Variants in DLG2 observed in about 807,000 individuals in gnomAD.
The protein encoded by DLG2 is discs large MAGUK scaffold protein 2.
A neutral mutation model predicts 132.5 loss-of-function variants in DLG2; 45 were observed. The ratio of observed to expected loss-of-function variants is 0.34; its 90% CI spans 0.27 to 0.44. The LOEUF (loss-of-function observed/expected upper bound fraction) is 0.44. Ranked by LOEUF, DLG2 falls within the 20% of genes least tolerant of loss-of-function variation. DLG2 has a pLI of 1.00. For synonymous variants in DLG2, 424 were observed against 419.6 expected (o/e 1.01, Z -0.13); for missense variants, 1,045 against 1,196.9 (o/e 0.87, Z 1.87).
At chr11:85,504,433 C>T (rs1169359646) in intron 3 of DLG2, among the ~76,000 whole-genome samples, 1 of 152,186 alleles carries the variant, frequency 6.6e-6, no homozygotes, top group African/African-American at 2.4e-5. Context: ...CTACATATGG[C>T]TAGCCAGTTT....
intron 15 of DLG2, among the ~76,000 whole-genome samples, chr11:83,892,834 G>A (rs900372179): frequency 2.0e-5 from 3 of 151,962 alleles, no homozygotes; most frequent in Non-Finnish European, 4.4e-5. Flanking sequence ...GTTACCACCT[G>A]GTATATGCAA....
chr11:84,899,665 C>G (rs1345598804), intron 6 of DLG2, among the ~76,000 whole-genome samples: 1 of 152,004 alleles, frequency 6.6e-6, no homozygotes, highest in Non-Finnish European at 1.5e-5. Flanking sequence ...ATAATCTATT[C>G]CAATTCCCCT....
At chr11:85,609,838 G>C (rs552692504) in intron 2 of DLG2, among the ~76,000 whole-genome samples, 25 of 152,256 alleles carry the variant, frequency 1.6e-4, no homozygotes, top group African/African-American at 4.6e-4. Flanking sequence ...CTCAAGGTCC[G>C]TTACCATCCG....
At chr11:84,469,456 GC>G (rs1288928049) in intron 7 of DLG2, among the ~76,000 whole-genome samples, 8 of 151,572 alleles carry the variant, frequency 5.3e-5, no homozygotes, top group Non-Finnish European at 1.2e-4. Flanking sequence ...AACCTTTAAA[GC>G]CTCAGCAAAA....
At chr11:84,761,839 A>G (rs1463962563) in intron 6 of DLG2, among the ~76,000 whole-genome samples, 2 of 152,142 alleles carry the variant, frequency 1.3e-5, no homozygotes, top group Admixed American at 6.5e-5. Flanking sequence ...AGTCAATTAT[A>G]ATAAACTCCT....
chr11:84,409,925 G>A (rs2098889992), intron 7 of DLG2, among the ~76,000 whole-genome samples: 1 of 152,134 alleles, frequency 6.6e-6, no homozygotes, highest in African/African-American at 2.4e-5. Flanking sequence ...CTCCCTTCTT[G>A]ATATGGAGAT....
intron 3 of DLG2, among the ~76,000 whole-genome samples, chr11:85,351,660 A>T (rs1455937404): frequency 6.6e-6 from 1 of 152,140 alleles, no homozygotes; most frequent in Non-Finnish European, 1.5e-5. Context: ...GCATCTATTG[A>T]GATAATTATG....
At chr11:84,303,973 C>T (rs2098186699) in intron 7 of DLG2, among the ~76,000 whole-genome samples, 1 of 152,096 alleles carries the variant, frequency 6.6e-6, no homozygotes, top group African/African-American at 2.4e-5. Context: ...CTGTTACGTG[C>T]TAAGCACTAG....
chr11:85,204,694 T>G lies in DLG2; in HGVS notation c.187-50043A>C, dbSNP rs535418393. Among the ~76,000 whole-genome samples the G allele has an allele frequency of 1.6e-4, 24 of 151,976 alleles. No individual in the cohort carries two copies. The South Asian group carries it at 5.0e-3, about 32-fold the overall frequency. On this transcript the variant is annotated intron_variant, in intron 4 of 27. Coordinates refer to ENST00000376104, the MANE Select transcript of DLG2 (RefSeq NM_001142699.3). ...AAACAGAAAAAAAAAACTCCTAAAA[T>G]TTGTATGGACACAAAGATCTTGAAA...
chr11:84,723,152 C>T (rs2062028600), intron 6 of DLG2, among the ~76,000 whole-genome samples: 1 of 152,066 alleles, frequency 6.6e-6, no homozygotes, highest in African/African-American at 2.4e-5. Flanking sequence ...TATTCATTAG[C>T]CTATAATTTG....
chr11:84,726,630 G>A (rs2062497518), intron 6 of DLG2, among the ~76,000 whole-genome samples: 1 of 152,126 alleles, frequency 6.6e-6, no homozygotes. Flanking sequence ...TATACACCCA[G>A]TAATGAGATT....
chr11:85,211,982 G>T lies in DLG2; in HGVS notation c.187-57331C>A, dbSNP rs148595994. Among the ~76,000 whole-genome samples, 24 of 152,064 alleles carry T rather than the reference G, an allele frequency of 1.6e-4. No homozygotes were observed. In the East Asian group the frequency reaches 3.9e-3, roughly 24 times the overall value. ...TAATGACTGATTAATTAAATGAAAAGTTTCTGCTTATCTACCTAATTGTAA... is the reference window on the plus strand; with the variant it reads ...TAATGACTGATTAATTAAATGAAAATTTTCTGCTTATCTACCTAATTGTAA... On this transcript the variant is annotated intron_variant, in intron 4 of 27. Coordinates refer to ENST00000376104, the MANE Select transcript of DLG2 (RefSeq NM_001142699.3).
At chr11:84,480,440 C>T (rs111992027) in intron 7 of DLG2, among the ~76,000 whole-genome samples, 73 of 152,174 alleles carry the variant, frequency 4.8e-4, no homozygotes, top group African/African-American at 1.7e-3. Context: ...AGAAAATATA[C>T]TTCCCAAATC....
chr11:83,673,111 A>T (rs2077109387), intron 18 of DLG2, among the ~76,000 whole-genome samples: 2 of 152,198 alleles, frequency 1.3e-5, no homozygotes, highest in African/African-American at 2.4e-5. Flanking sequence ...ACTCTCTGTG[A>T]GGTATTTTAG....
chr11:84,208,580 G>A (rs2096708732), intron 8 of DLG2, among the ~76,000 whole-genome samples: 1 of 152,034 alleles, frequency 6.6e-6, no homozygotes, highest in East Asian at 1.9e-4. Context: ...CTGAACTCAG[G>A]CAATCTGCCC....
chr11:84,852,827 C>A (rs1194020828), intron 6 of DLG2, among the ~76,000 whole-genome samples: 1 of 151,182 alleles, frequency 6.6e-6, no homozygotes, highest in Non-Finnish European at 1.5e-5. Context: ...ACAGTTTAAT[C>A]TTCAAAATTA....
chr11:85,324,827 A>G (rs1348476917), intron 3 of DLG2, among the ~76,000 whole-genome samples: 1 of 151,856 alleles, frequency 6.6e-6, no homozygotes, highest in Non-Finnish European at 1.5e-5. Flanking sequence ...GCGACGCAGA[A>G]GACGGGTGAT....
intron 11 of DLG2, among the ~76,000 whole-genome samples, chr11:84,008,617 G>T (rs1026523054): frequency 3.3e-5 from 5 of 151,778 alleles, no homozygotes; most frequent in African/African-American, 7.2e-5. Context: ...TCCACAACAG[G>T]TATTTTGATA....
chr11:84,200,915 C>T (rs996811077), intron 8 of DLG2, among the ~76,000 whole-genome samples: 35 of 152,164 alleles, frequency 2.3e-4, no homozygotes. Context: ...GACTTCCTCT[C>T]TTTCTACTTG....
Sources: gnomAD v4.1 joint callset for allele counts (sites outside exome capture counted in the v4.1 genomes callset) on GRCh38, gnomAD v4.1.1 for gene constraint, MANE v1.5 for transcripts, NCBI Gene and HGNC (gene_info 2026-07-23, HGNC 2026-07-21) for gene names.